Variants in CLSTN2 observed in about 807,000 individuals in gnomAD.
CLSTN2 encodes the protein calsyntenin 2.
CLSTN2 carries 48 observed loss-of-function variants against 101.2 expected under a neutral mutation model. The ratio of observed to expected loss-of-function variants is 0.47; its 90% CI spans 0.38 to 0.60. The LOEUF (loss-of-function observed/expected upper bound fraction) is 0.60, where lower values mean the gene tolerates loss of function less well. Ranked by LOEUF, CLSTN2 falls within the 20% of genes least tolerant of loss-of-function variation. CLSTN2 has a pLI of 0.00. For synonymous variants in CLSTN2, 481 were observed against 463.6 expected, an observed-to-expected ratio of 1.04 and a Z score of -0.48; for missense variants, 1,160 against 1,238.2, an observed-to-expected ratio of 0.94 and a Z score of 0.95.
chr3:140,403,942 G>C, intron 3 of CLSTN2, 118 bp downstream of exon 3: 1 of 845,116 alleles, frequency 1.2e-6, no homozygotes, highest in Non-Finnish European at 1.8e-6. Context: ...CTCCAACTTT[G>C]CTCAACTGCT....
At chr3:140,475,670 C>T (rs1376163420) in intron 8 of CLSTN2, among the ~76,000 whole-genome samples, 5 of 152,180 alleles carry the variant, frequency 3.3e-5, no homozygotes, top group African/African-American at 7.2e-5. Flanking sequence ...AATGATTCTA[C>T]ATTTCTCCCC....
chr3:140,060,652 G>C (rs1295313443), intron 1 of CLSTN2, among the ~76,000 whole-genome samples: 2 of 152,108 alleles, frequency 1.3e-5, no homozygotes, highest in Non-Finnish European at 2.9e-5. Flanking sequence ...CTGACTGTTA[G>C]AGCCAGCCCT....
At chr3:140,546,937 G>T (rs555235813) in intron 10 of CLSTN2, among the ~76,000 whole-genome samples, 2 of 152,274 alleles carry the variant, frequency 1.3e-5, no homozygotes, top group African/African-American at 4.8e-5. Flanking sequence ...CCAAAAGCAG[G>T]CACATGTTCA....
chr3:140,456,262 T>C (rs1933396184), intron 6 of CLSTN2, among the ~76,000 whole-genome samples: 1 of 152,052 alleles, frequency 6.6e-6, no homozygotes, highest in South Asian at 2.1e-4. Context: ...GGAGGTGCAA[T>C]GGGGAGCATG....
rs1056970822 is a variant in CLSTN2 at position 140,078,039 on chromosome 3, G to T, written c.110-97912G>T. Among the ~76,000 whole-genome samples, 3 of 152,110 alleles carry T rather than the reference G, an allele frequency of 2.0e-5. 1 individual carries two copies. The South Asian group carries it at 6.2e-4, about 32-fold the overall frequency. On this transcript the variant is annotated intron_variant, in intron 1 of 16. Transcript: ENST00000458420. ...TGTGAAGCTGAATTTTGGGTAACAC[G>T]GTGGATGAGGGGAAGATGAAAGAGG... is the stretch of plus-strand genomic sequence containing the variant.
At chr3:140,005,734 T>G (rs1370963904) in intron 1 of CLSTN2, among the ~76,000 whole-genome samples, 2 of 152,166 alleles carry the variant, frequency 1.3e-5, no homozygotes, top group Non-Finnish European at 2.9e-5. Context: ...AAGTCTGATG[T>G]GAAAAAAATT....
chr3:140,099,728 C>T (rs1454584812), intron 1 of CLSTN2, among the ~76,000 whole-genome samples: 2 of 152,176 alleles, frequency 1.3e-5, no homozygotes, highest in African/African-American at 4.8e-5. Flanking sequence ...TACAGAATTC[C>T]TCTCAGTGTA....
At chr3:140,556,397 A>T in intron 10 of CLSTN2, 116 bp from the exon 11 acceptor site, 1 of 861,978 alleles carries the variant, frequency 1.2e-6, no homozygotes, top group South Asian at 1.6e-5. Flanking sequence ...TCACTGGCAG[A>T]TGCTCTAGAG....
chr3:140,564,965 C>T (rs141721852), intron 16 of CLSTN2, among the ~76,000 whole-genome samples: 7 of 152,294 alleles, frequency 4.6e-5, no homozygotes, highest in Non-Finnish European at 8.8e-5. Flanking sequence ...GTTTCCACCT[C>T]GGCTAGCCTC....
At chr3:140,424,413 G>T (rs969653956) in intron 5 of CLSTN2, among the ~76,000 whole-genome samples, 7 of 152,142 alleles carry the variant, frequency 4.6e-5, no homozygotes, top group Non-Finnish European at 7.4e-5. Flanking sequence ...CCAGCCTACT[G>T]ATTCACTTCA....
chr3:140,137,229 C>G (rs890284750), intron 1 of CLSTN2, among the ~76,000 whole-genome samples: 1 of 152,096 alleles, frequency 6.6e-6, no homozygotes, highest in African/African-American at 2.4e-5. Flanking sequence ...GATACAAAAT[C>G]GCTGAAGCTG....
chr3:140,323,328 T>C (rs2087302483), intron 2 of CLSTN2, among the ~76,000 whole-genome samples: 1 of 152,216 alleles, frequency 6.6e-6, no homozygotes. Flanking sequence ...ACAGAACAGT[T>C]AGAAGTCTGG....
At chr3:140,378,958 A>G (rs1456832347) in intron 2 of CLSTN2, among the ~76,000 whole-genome samples, 1 of 152,188 alleles carries the variant, frequency 6.6e-6, no homozygotes, top group African/African-American at 2.4e-5. Context: ...AATCAGTGCA[A>G]CTTAAATCAT....
At chr3:140,349,321 T>C (rs551649665) in intron 2 of CLSTN2, among the ~76,000 whole-genome samples, 3 of 152,340 alleles carry the variant, frequency 2.0e-5, no homozygotes, top group South Asian at 2.1e-4. Context: ...TAATGCACTA[T>C]GGTTGACTGT....
chr3:140,529,889 C>T (rs2107778111), intron 8 of CLSTN2, among the ~76,000 whole-genome samples: 1 of 152,112 alleles, frequency 6.6e-6, no homozygotes, highest in East Asian at 1.9e-4. Flanking sequence ...AAATGTGTCC[C>T]TTTTATAGTA....
At chr3:140,097,695 T>C (rs977634461) in intron 1 of CLSTN2, among the ~76,000 whole-genome samples, 1 of 152,206 alleles carries the variant, frequency 6.6e-6, no homozygotes, top group Admixed American at 6.5e-5. Flanking sequence ...TCAATTGCAG[T>C]GCAGTTACTA....
intron 2 of CLSTN2, among the ~76,000 whole-genome samples, chr3:140,216,471 GCTT>G (rs1340281954): frequency 6.6e-6 from 1 of 152,116 alleles, no homozygotes; most frequent in Non-Finnish European, 1.5e-5. Context: ...TCCCACTACT[GCTT>G]CTGGAGCAAT....
intron 1 of CLSTN2, among the ~76,000 whole-genome samples, chr3:140,147,667 G>A (rs2009800582): frequency 6.6e-6 from 1 of 152,164 alleles, no homozygotes; most frequent in African/African-American, 2.4e-5. Flanking sequence ...TTCCAACACA[G>A]TACTGAGTGC....
At chr3:140,551,445 A>C (rs145642152) in intron 10 of CLSTN2, among the ~76,000 whole-genome samples, 3,024 of 151,946 alleles carry the variant, frequency 0.02, 67 homozygotes, top group African/African-American at 0.068. Context: ...GAATCACCAC[A>C]TTCCTGAGTA....
Sources: gnomAD v4.1 joint callset for allele counts (sites outside exome capture counted in the v4.1 genomes callset) on GRCh38, gnomAD v4.1.1 for gene constraint, MANE v1.5 for transcripts, NCBI Gene and HGNC (gene_info 2026-07-23, HGNC 2026-07-21) for gene names.